Variants in PHF24 observed in about 807,000 individuals in gnomAD.
The protein encoded by PHF24 is PHD finger protein 24.
PHF24 carries 25 observed loss-of-function variants against 42.6 expected under a neutral mutation model. The observed-to-expected ratio is 0.59, with a 90% CI of 0.43 to 0.82. The LOEUF is 0.82. Among genes scored for constraint, PHF24 ranks in the 40% least tolerant of loss-of-function variants. PHF24 has a pLI of 0.00. For synonymous variants in PHF24, 185 were observed against 204.8 expected (o/e 0.90, Z 0.83); for missense variants, 470 against 538.1 (o/e 0.87, Z 1.25).
chr9:34,693,929 G>A, the PHF24 span, among the ~76,000 whole-genome samples: 1 of 152,020 alleles, frequency 6.6e-6, no homozygotes, highest in Non-Finnish European at 1.5e-5. Context: ...ATGGGCAGAT[G>A]TACTATTAAT....
chr9:34,918,676 A>C, the PHF24 span, among the ~76,000 whole-genome samples: 1 of 152,188 alleles, frequency 6.6e-6, no homozygotes, highest in East Asian at 1.9e-4. Flanking sequence ...AATGTTTTAA[A>C]TTGCAGTGTA....
intron 1 of PHF24, among the ~76,000 whole-genome samples, chr9:34,965,511 C>T (rs189492091): frequency 2.4e-4 from 36 of 152,316 alleles, no homozygotes; most frequent in African/African-American, 8.4e-4. Context: ...GACTGGAAAG[C>T]GTTTGTTTTT....
At chr9:34,910,708 A>G in the PHF24 span, among the ~76,000 whole-genome samples, 1 of 152,228 alleles carries the variant, frequency 6.6e-6, no homozygotes, top group Non-Finnish European at 1.5e-5. Flanking sequence ...GATAAAAAGA[A>G]ATAGATTTAA....
chr9:34,821,004 A>G, the PHF24 span, among the ~76,000 whole-genome samples: 1 of 151,992 alleles, frequency 6.6e-6, no homozygotes, highest in African/African-American at 2.4e-5. Flanking sequence ...GCATGTTTTC[A>G]TATGTTTGTT....
chr9:34,679,635 A>G, the PHF24 span, among the ~76,000 whole-genome samples: 1 of 152,216 alleles, frequency 6.6e-6, no homozygotes, highest in Non-Finnish European at 1.5e-5. Flanking sequence ...GAATCGCTTG[A>G]ACCCAGGAGG....
the PHF24 span, among the ~76,000 whole-genome samples, chr9:34,771,767 C>T: frequency 4.6e-5 from 7 of 152,130 alleles, no homozygotes; most frequent in South Asian, 1.2e-3. Context: ...CTAACAGCTG[C>T]GGTGTTAGGA....
chr9:34,734,963 C>T, the PHF24 span, among the ~76,000 whole-genome samples: 1 of 152,144 alleles, frequency 6.6e-6, no homozygotes, highest in Admixed American at 6.5e-5. Context: ...CTGTTATGCA[C>T]TGACAGTAAC....
At chr9:34,686,795 G>C in the PHF24 span, among the ~76,000 whole-genome samples, 1 of 152,182 alleles carries the variant, frequency 6.6e-6, no homozygotes, top group Non-Finnish European at 1.5e-5. Flanking sequence ...TGGGAAGCTA[G>C]GAGTCCACAC....
chr9:34,878,223 C>A, the PHF24 span, among the ~76,000 whole-genome samples: 6 of 152,106 alleles, frequency 3.9e-5, no homozygotes, highest in Non-Finnish European at 7.4e-5. Context: ...TAAAACTGCT[C>A]TAAAGAATAA....
At chr9:34,894,410 A>G in the PHF24 span, 1 of 398,602 alleles carries the variant, frequency 2.5e-6, no homozygotes, top group Non-Finnish European at 4.4e-6. Context: ...CCAGACTAGC[A>G]GCTGGGAGAC....
At chr9:34,802,400 AT>A in the PHF24 span, among the ~76,000 whole-genome samples, 49,186 of 151,448 alleles carry the variant, frequency 0.32, 8,474 homozygotes, top group East Asian at 0.56. Flanking sequence ...CTTCCCTTAG[AT>A]TTTTTTTTCC....
the PHF24 span, among the ~76,000 whole-genome samples, chr9:34,770,431 G>T: frequency 6.6e-6 from 1 of 152,016 alleles, no homozygotes; most frequent in Non-Finnish European, 1.5e-5. Flanking sequence ...GTGCAAAATA[G>T]TACAATTCCT....
chr9:34,922,418 C>G, the PHF24 span: 2 of 1,354,346 alleles, frequency 1.5e-6, no homozygotes, highest in Non-Finnish European at 2.1e-6. Flanking sequence ...GGGCCAGACC[C>G]AGTCTGATAG....
chr9:34,672,331 G>T, the PHF24 span, among the ~76,000 whole-genome samples: 2 of 152,084 alleles, frequency 1.3e-5, no homozygotes, highest in African/African-American at 4.8e-5. Context: ...ATGTTTGGAT[G>T]CTAGGAGAAA....
chr9:34,921,563 C>G, the PHF24 span, among the ~76,000 whole-genome samples: 8 of 152,148 alleles, frequency 5.3e-5, no homozygotes, highest in African/African-American at 1.7e-4. Flanking sequence ...AAGCTAACAG[C>G]AGGTAACTTT....
the PHF24 span, among the ~76,000 whole-genome samples, chr9:34,810,171 C>CG: frequency 3.3e-5 from 5 of 151,962 alleles, no homozygotes; most frequent in Admixed American, 2.0e-4. Context: ...TAAGTGGGGA[C>CG]GGGGGCGGCG....
At chr9:34,759,576 T>C in the PHF24 span, among the ~76,000 whole-genome samples, 1 of 152,052 alleles carries the variant, frequency 6.6e-6, no homozygotes, top group African/African-American at 2.4e-5. Context: ...GAAAAAGAGG[T>C]GAGCAGAGCA....
chr9:34,740,288 C>T, the PHF24 span, among the ~76,000 whole-genome samples: 362 of 152,296 alleles, frequency 2.4e-3, 1 homozygote, highest in Middle Eastern at 6.8e-3. Context: ...GAGCAGGGGG[C>T]GGCGCTAGTC....
the PHF24 span, among the ~76,000 whole-genome samples, chr9:34,915,026 CTTTTTTTTTTTTTT>C: frequency 8.0e-5 from 3 of 37,460 alleles, no homozygotes; most frequent in African/African-American, 3.6e-4. Context: ...TTTTTCTTTT[CTTTTTTTTTTTTTT>C]TTTTTTTTTT....
Sources: allele counts gnomAD v4.1 joint callset (sites outside exome capture counted in the v4.1 genomes callset), GRCh38; gene constraint gnomAD v4.1.1; transcripts MANE v1.5; gene names NCBI Gene and HGNC (gene_info 2026-07-23, HGNC 2026-07-21).